Variants in MAP3K7CL observed in about 807,000 individuals in gnomAD.
MAP3K7CL encodes MAP3K7 C-terminal-like protein.
A neutral mutation model predicts 18.6 loss-of-function variants in MAP3K7CL; 16 were observed. The ratio of observed to expected loss-of-function variants is 0.86; its 90% CI spans 0.58 to 1.31. MAP3K7CL has a LOEUF of 1.31. Ranked by LOEUF, MAP3K7CL falls within the 50% of genes most tolerant of loss-of-function variation. The pLI, the probability that MAP3K7CL is intolerant of heterozygous loss-of-function variation, is 0.00. For missense variants in MAP3K7CL, 163 were observed against 174.4 expected (o/e 0.93, Z 0.37); for synonymous variants, 65 against 66.8 (o/e 0.97, Z 0.13).
intron 1 of MAP3K7CL, 158 bp downstream of exon 1, chr21:29,131,081 C>T (rs1184744527): frequency 9.1e-6 from 2 of 219,496 alleles, no homozygotes; most frequent in Non-Finnish European, 1.5e-5. Flanking sequence ...TTGTGGTCAA[C>T]ATGGTGTGGA....
At chr21:29,107,044 G>A (rs768467624) in intron 4 of MAP3K7CL, among the ~76,000 whole-genome samples, 5 of 152,326 alleles carry the variant, frequency 3.3e-5, no homozygotes, top group South Asian at 2.1e-4. Flanking sequence ...TAGGCCAGGC[G>A]TGGTGGCTCA....
At chr21:29,085,939 C>G in intron 1 of MAP3K7CL, 1 of 1,613,678 alleles carries the variant, frequency 6.2e-7, no homozygotes, top group Non-Finnish European at 8.5e-7. Context: ...TTCCCCCAAC[C>G]CCTTCCTGTA....
chr21:29,092,688 C>T lies in MAP3K7CL; in HGVS notation c.370+107C>T, dbSNP rs1222236070. 5 of 1,311,728 alleles carry T rather than the reference C, an allele frequency of 3.8e-6. No homozygotes were observed. In the Admixed American group the frequency reaches 9.3e-5, roughly 24 times the overall value. The allele number at this position is 1,311,728 out of a possible 1,614,324, so 81.3% of individuals were successfully genotyped here. A position where few individuals can be genotyped will look rare whatever the true frequency, so the allele number is the denominator to read the frequency against. ...GGGCAGCACCTCATTCTGCAGGGAT[C>T]TGGGTCAGAGCAGGACAATGGCTCT... On this transcript the variant is annotated intron_variant, in intron 4 of 6. Transcript: ENST00000286791.
At chr21:29,136,472 A>G (rs2086888309) in intron 2 of MAP3K7CL, among the ~76,000 whole-genome samples, 1 of 152,190 alleles carries the variant, frequency 6.6e-6, no homozygotes, top group African/African-American at 2.4e-5. Context: ...CCATGAGAAA[A>G]GGAAACATCT....
intron 2 of MAP3K7CL, among the ~76,000 whole-genome samples, chr21:29,142,796 C>A (rs1359774359): frequency 6.6e-6 from 1 of 152,172 alleles, no homozygotes; most frequent in East Asian, 1.9e-4. Context: ...ACAGGTAATA[C>A]CCTTCCCATT....
intron 2 of MAP3K7CL, among the ~76,000 whole-genome samples, chr21:29,148,784 C>T (rs1035082004): frequency 2.0e-5 from 3 of 152,162 alleles, no homozygotes; most frequent in Non-Finnish European, 2.9e-5. Context: ...CAGAGCAGAA[C>T]GAATGCTTCT....
chr21:29,133,179 G>A (rs2086811664), intron 1 of MAP3K7CL, 127 bp from the exon 2 acceptor site: 1 of 551,558 alleles, frequency 1.8e-6, no homozygotes, highest in Non-Finnish European at 3.1e-6. Flanking sequence ...AAAACTAGGA[G>A]TATCTTTAGA....
intron 4 of MAP3K7CL, among the ~76,000 whole-genome samples, chr21:29,173,380 G>A (rs1164066333): frequency 1.3e-5 from 2 of 152,162 alleles, no homozygotes; most frequent in African/African-American, 4.8e-5. Context: ...TATGTTAGAT[G>A]CGTTGGTTTA....
chr21:29,108,298 G>T (rs904868380), intron 4 of MAP3K7CL, among the ~76,000 whole-genome samples: 1 of 152,182 alleles, frequency 6.6e-6, no homozygotes, highest in African/African-American at 2.4e-5. Flanking sequence ...TGAGGACATA[G>T]CAAGAAGGTG....
Position 29,175,022 on chromosome 21 carries a change from A to G in MAP3K7CL, c.*130A>G. On this transcript the variant is annotated 3_prime_UTR_variant, in exon 5 of 5. Transcript: ENST00000399928. ...ATTACCCACATGACAACTGTCTATAATGAGTTTACTGCTTGCCAGCTTCTA... is the reference window on the plus strand; with the variant it reads ...ATTACCCACATGACAACTGTCTATAGTGAGTTTACTGCTTGCCAGCTTCTA... 2.3e-6 allele frequency: 2 copies of G among 867,848 alleles called. No homozygotes were observed. The highest frequency in any genetic ancestry group is 2.3e-4 in the Middle Eastern group (1 of 4,394). 53.8% of individuals were successfully genotyped at this position (867,848 alleles called of 1,614,324 possible).
At chr21:29,137,117 C>A (rs2086903235) in intron 2 of MAP3K7CL, among the ~76,000 whole-genome samples, 1 of 152,080 alleles carries the variant, frequency 6.6e-6, no homozygotes, top group South Asian at 2.1e-4. Flanking sequence ...TTCAACTTAC[C>A]CCTGAAATTA....
chr21:29,111,109 A>C (rs977429766), intron 4 of MAP3K7CL, among the ~76,000 whole-genome samples: 2 of 152,048 alleles, frequency 1.3e-5, no homozygotes, highest in Admixed American at 1.3e-4. Flanking sequence ...ACAAAAACTT[A>C]GCCAGGCGTG....
chr21:29,120,173 T>G (rs1443602432), intron 4 of MAP3K7CL, among the ~76,000 whole-genome samples: 1 of 148,758 alleles, frequency 6.7e-6, no homozygotes, highest in Non-Finnish European at 1.5e-5. Context: ...GTTTCCAGTT[T>G]GGGGAATTTT....
intron 1 of MAP3K7CL, 80 bp downstream of exon 1, chr21:29,131,003 C>A (rs1568952270): frequency 2.3e-6 from 2 of 866,340 alleles, no homozygotes; most frequent in Non-Finnish European, 2.8e-6. Context: ...AGCCTGTAGC[C>A]AAGAGAAGGA....
At chr21:29,140,830 T>C (rs1295575079) in intron 2 of MAP3K7CL, among the ~76,000 whole-genome samples, 1 of 152,182 alleles carries the variant, frequency 6.6e-6, no homozygotes, top group Admixed American at 6.5e-5. Context: ...CAGGCTGGAG[T>C]GCAGTGGTGC....
intron 4 of MAP3K7CL, among the ~76,000 whole-genome samples, chr21:29,122,749 T>C (rs2086616939): frequency 6.6e-6 from 1 of 152,186 alleles, no homozygotes; most frequent in Admixed American, 6.5e-5. Context: ...AGGGTGATTT[T>C]GGAAAAGGCA....
intron 2 of MAP3K7CL, among the ~76,000 whole-genome samples, chr21:29,145,979 C>T (rs1302696270): frequency 6.6e-6 from 1 of 151,924 alleles, no homozygotes; most frequent in Non-Finnish European, 1.5e-5. Flanking sequence ...ATAAGGACGT[C>T]GATTTCCACA....
chr21:29,159,130 A>G (rs2087479325), intron 3 of MAP3K7CL, among the ~76,000 whole-genome samples: 1 of 152,158 alleles, frequency 6.6e-6, no homozygotes, highest in South Asian at 2.1e-4. Flanking sequence ...CACGTTGACC[A>G]GGCTGGTCTC....
intron 4 of MAP3K7CL, among the ~76,000 whole-genome samples, chr21:29,097,397 TC>T (rs891335807): frequency 1.3e-5 from 2 of 152,046 alleles, no homozygotes; most frequent in African/African-American, 4.8e-5. Flanking sequence ...AGAAAAACGC[TC>T]TTATAAATAA....
Sources: gnomAD v4.1 joint callset for allele counts (sites outside exome capture counted in the v4.1 genomes callset) on GRCh38, gnomAD v4.1.1 for gene constraint, MANE v1.5 for transcripts, NCBI Gene and HGNC (gene_info 2026-07-23, HGNC 2026-07-21) for gene names.